The following UXS1 variants were observed in gnomAD, a reference collection of about 807,000 sequenced individuals.
UXS1 encodes UDP-glucuronate decarboxylase 1.
Under a neutral mutation model 62.6 loss-of-function variants are expected in UXS1, and 33 were observed. That is an observed-to-expected ratio of 0.53 (90% CI 0.40 to 0.70). The LOEUF is 0.70. Among genes scored for constraint, UXS1 ranks in the 30% least tolerant of loss-of-function variants. The pLI is 0.00. For synonymous variants in UXS1, 213 were observed against 206.8 expected, an observed-to-expected ratio of 1.03 and a Z score of -0.26; for missense variants, 434 against 556.3, an observed-to-expected ratio of 0.78 and a Z score of 2.21.
intron 1 of UXS1, among the ~76,000 whole-genome samples, chr2:106,169,075 A>T (rs1270208008): frequency 6.6e-6 from 1 of 152,230 alleles, no homozygotes; most frequent in African/African-American, 2.4e-5. Context: ...GCCTTTTTCT[A>T]GACACCTGGT....
intron 8 of UXS1, among the ~76,000 whole-genome samples, chr2:106,125,240 C>T (rs1213926508): frequency 6.6e-6 from 1 of 152,212 alleles, no homozygotes; most frequent in African/African-American, 2.4e-5. Flanking sequence ...CCCATGAGCT[C>T]TTGGGAGGTC....
chr2:106,105,104 T>C (rs1044381763), intron 10 of UXS1, among the ~76,000 whole-genome samples: 3 of 152,214 alleles, frequency 2.0e-5, no homozygotes, highest in African/African-American at 7.2e-5. Flanking sequence ...AATTCGCTTC[T>C]GCTGGAGTCT....
intron 7 of UXS1, among the ~76,000 whole-genome samples, chr2:106,126,532 C>A (rs1189207113): frequency 6.6e-6 from 1 of 152,148 alleles, no homozygotes; most frequent in Non-Finnish European, 1.5e-5. Context: ...GCACATGCAA[C>A]CTATGTGCGC....
intron 9 of UXS1, among the ~76,000 whole-genome samples, chr2:106,121,985 G>A (rs761602578): frequency 3.9e-5 from 6 of 152,126 alleles, no homozygotes; most frequent in Non-Finnish European, 7.3e-5. Flanking sequence ...GGGCTCTGCC[G>A]GGGCCTGAGA....
rs1400491006 is a variant in UXS1 at position 106,093,759 on chromosome 2, CAAGATAAAA to C, written c.*258_*266del. The stretch of plus-strand genomic sequence containing the variant: ...ACAGTCACAACATATGCTCTCACAG[CAAGATAAAA>C]AAACTTGAAAATACGCAGAGATGCA... On this transcript the variant is annotated 3_prime_UTR_variant, in exon 15 of 15. Transcript: ENST00000283148. The C allele has an allele frequency of 8.1e-6, 3 of 371,740 alleles. No individual in the cohort carries two copies. The highest frequency in any genetic ancestry group is 4.2e-5 in the African/African-American group (2 of 47,392). The allele number at this position is 371,740 out of a possible 1,614,324, so 23.0% of individuals were successfully genotyped here.
intron 5 of UXS1, among the ~76,000 whole-genome samples, chr2:106,145,690 T>TAAC (rs1430537828): frequency 6.6e-6 from 1 of 152,220 alleles, no homozygotes; most frequent in African/African-American, 2.4e-5. Flanking sequence ...TCTTGTTTTA[T>TAAC]AACAAATGGG....
At chr2:106,171,079 T>C (rs955626251) in intron 1 of UXS1, among the ~76,000 whole-genome samples, 1 of 152,196 alleles carries the variant, frequency 6.6e-6, no homozygotes, top group African/African-American at 2.4e-5. Flanking sequence ...TAATTTTTAA[T>C]ATAAATTTAA....
chr2:106,146,894 C>T (rs985471111), intron 5 of UXS1, among the ~76,000 whole-genome samples: 4 of 151,742 alleles, frequency 2.6e-5, no homozygotes, highest in African/African-American at 4.8e-5. Context: ...GTGGCTCATG[C>T]CTGTACCCAA....
At chr2:106,153,822 G>C (rs1380666324) in intron 5 of UXS1, among the ~76,000 whole-genome samples, 2 of 152,128 alleles carry the variant, frequency 1.3e-5, no homozygotes, top group Non-Finnish European at 2.9e-5. Context: ...TAAAAGTTAT[G>C]GCAAGTGTTC....
At chr2:106,103,605 G>A (rs1034257800) in intron 11 of UXS1, among the ~76,000 whole-genome samples, 15 of 152,190 alleles carry the variant, frequency 9.9e-5, no homozygotes, top group Non-Finnish European at 2.2e-4. Flanking sequence ...TCCCAAAGCG[G>A]GGGCAGCTGC....
chr2:106,178,096 C>T (rs1684006998), intron 1 of UXS1, among the ~76,000 whole-genome samples: 1 of 152,252 alleles, frequency 6.6e-6, no homozygotes, highest in Non-Finnish European at 1.5e-5. Context: ...CTTCACTGCT[C>T]TTCCATTGTG....
At chr2:106,170,116 C>G (rs1683458563) in intron 1 of UXS1, among the ~76,000 whole-genome samples, 1 of 152,140 alleles carries the variant, frequency 6.6e-6, no homozygotes. Context: ...CTTCCCCACT[C>G]AGACCTCCAC....
At chr2:106,172,285 A>C (rs1466315091) in intron 1 of UXS1, among the ~76,000 whole-genome samples, 2 of 152,176 alleles carry the variant, frequency 1.3e-5, no homozygotes, top group African/African-American at 4.8e-5. Context: ...CTGCAATAAA[A>C]GGTGGAGCAG....
intron 9 of UXS1, among the ~76,000 whole-genome samples, chr2:106,114,083 C>T (rs895478098): frequency 6.6e-6 from 1 of 152,172 alleles, no homozygotes; most frequent in Non-Finnish European, 1.5e-5. Context: ...AACCACGAGC[C>T]CCAGAGGCCC....
rs768584595 is a variant in UXS1, at chr2:106,104,809, G to A, written c.908C>T (p.Ala303Val). 7 of 1,613,858 alleles carry A rather than the reference G, an allele frequency of 4.3e-6. No homozygotes were observed. The highest frequency in any genetic ancestry group is 5.1e-6 in the Non-Finnish European group (6 of 1,179,906). The change falls in exon 11 of 15, where the codon GCG becomes GTG. Residue 303 changes from alanine to valine, a missense_variant. Physicochemically the swap from Ala to Val is moderately conservative, Grantham distance 64. Coordinates refer to ENST00000283148, the MANE Select transcript of UXS1 (RefSeq NM_001253875.2). ...TVYGSGSQTR[A>V]FQYVSDLVNG... ...ACAGTCTTACCTGACGTACTGGAAC[G>A]CCCTTGTCTGAGACCCGGATCCGTA...
intron 4 of UXS1, among the ~76,000 whole-genome samples, chr2:106,163,376 C>A (rs1179622762): frequency 3.3e-5 from 5 of 152,128 alleles, no homozygotes; most frequent in Non-Finnish European, 5.9e-5. Context: ...GAATTCTATC[C>A]CACTGATCAA....
At chr2:106,113,868 C>T (rs1380405970) in intron 9 of UXS1, among the ~76,000 whole-genome samples, 1 of 152,224 alleles carries the variant, frequency 6.6e-6, no homozygotes, top group African/African-American at 2.4e-5. Context: ...ACTCACCTGA[C>T]CGCCTCAGTG....
intron 1 of UXS1, among the ~76,000 whole-genome samples, chr2:106,192,616 C>T (rs1356828963): frequency 6.6e-6 from 1 of 151,838 alleles, no homozygotes; most frequent in Non-Finnish European, 1.5e-5. Context: ...ATTCTAAACC[C>T]TTGCAGCGAC....
Position 106,123,110 on chromosome 2 carries a change from G to A in UXS1, c.638-19C>T, listed in dbSNP as rs771628622. On this transcript the variant is annotated intron_variant, in intron 8 of 14. Coordinates refer to ENST00000283148, the MANE Select transcript of UXS1 (RefSeq NM_001253875.2). ...TCAGGATCTACGATGGGAGAAAAGTGAGACTGTTTTCATCTTTCCTTTTTC... is the reference window on the plus strand; with the variant it reads ...TCAGGATCTACGATGGGAGAAAAGTAAGACTGTTTTCATCTTTCCTTTTTC... The A allele has an allele frequency of 6.2e-7, 1 of 1,613,164 alleles. No homozygotes were observed. The highest frequency in any genetic ancestry group is 1.7e-4 in the Middle Eastern group (1 of 6,058).
Sources: gnomAD v4.1 joint callset for allele counts (sites outside exome capture counted in the v4.1 genomes callset) on GRCh38, gnomAD v4.1.1 for gene constraint, MANE v1.5 for transcripts, NCBI Gene and HGNC (gene_info 2026-07-23, HGNC 2026-07-21) for gene names.